TATDN1: variants seen among roughly 807,000 people sequenced by gnomAD.
The protein encoded by TATDN1 is TatD DNase domain containing 1.
A neutral mutation model predicts 46.4 loss-of-function variants in TATDN1; 40 were observed. The ratio of observed to expected loss-of-function variants is 0.86; its 90% confidence interval spans 0.67 to 1.12. The LOEUF is 1.12. Among genes scored for constraint, TATDN1 ranks in the 50% most tolerant of loss-of-function variants. The probability of loss-of-function intolerance (pLI) is 0.00; values close to 1 mark genes in which losing one functional copy is unlikely to be tolerated. For missense variants in TATDN1, 326 were observed against 348.4 expected (o/e 0.94, Z 0.51); for synonymous variants, 95 against 105.6 (o/e 0.90, Z 0.62).
chr8:124,533,085 T>C (rs917269479), intron 1 of TATDN1, among the ~76,000 whole-genome samples: 1 of 152,082 alleles, frequency 6.6e-6, no homozygotes, highest in African/African-American at 2.4e-5. Context: ...ACCCCGTCTC[T>C]ACTAAAAATA....
rs527770246 is a variant in TATDN1, at chr8:124,516,806, T to C, written c.203-776A>G. Among the ~76,000 whole-genome samples the C allele has an allele frequency of 3.0e-4, 45 of 152,346 alleles. No homozygotes were observed. In the South Asian group the frequency reaches 8.9e-3, roughly 30 times the overall value. ...TGTTTTTCTAGCAAGTAAATGAGGTTCACTTATTCGGAGGAGACTCTGACA... is the reference window on the plus strand; with the variant it reads ...TGTTTTTCTAGCAAGTAAATGAGGTCCACTTATTCGGAGGAGACTCTGACA... On this transcript the variant is annotated intron_variant, in intron 4 of 11. Coordinates refer to ENST00000276692, the MANE Select transcript of TATDN1 (RefSeq NM_032026.4).
chr8:124,517,669 G>C (rs1290578923), intron 4 of TATDN1, among the ~76,000 whole-genome samples: 1 of 152,086 alleles, frequency 6.6e-6, no homozygotes, highest in Non-Finnish European at 1.5e-5. Context: ...TACCTAACTA[G>C]GATTCCTTTA....
Position 124,488,636 on chromosome 8 carries a change from T to G in TATDN1, c.852A>C (p.Thr284=). Residue 284 remains threonine, a synonymous_variant, in exon 12 of 12, where the codon ACA becomes ACC. Transcript: ENST00000276692. ...RDEDPLELAN[T]LYNNTIKVFF... The stretch of plus-strand genomic sequence containing the variant: ...ATACTTTAATAGTATTGTTATATAG[T>G]GTATTGGCTAATTCCAGTGGATCCT... 6.2e-7 allele frequency: 1 copy of G among 1,600,608 alleles called. No homozygotes were observed.
chr8:124,537,309 A>G (rs771167682), intron 1 of TATDN1, among the ~76,000 whole-genome samples: 7 of 152,204 alleles, frequency 4.6e-5, no homozygotes, highest in Non-Finnish European at 8.8e-5. Flanking sequence ...TTAAGGAGTG[A>G]GTAGGCAGAC....
chr8:124,503,395 T>G (rs1389166691), intron 9 of TATDN1, among the ~76,000 whole-genome samples: 1 of 152,194 alleles, frequency 6.6e-6, no homozygotes, highest in Non-Finnish European at 1.5e-5. Context: ...TATCTGTTAG[T>G]ACTACTTGAC....
At chr8:124,489,167 A>C (rs1816694357) in intron 11 of TATDN1, 1 of 155,544 alleles carries the variant, frequency 6.4e-6, no homozygotes, top group Non-Finnish European at 1.4e-5. Flanking sequence ...CAGCAGCCAC[A>C]GTTGGAAATC....
At chr8:124,501,776 C>T (rs1010177956) in intron 9 of TATDN1, among the ~76,000 whole-genome samples, 3 of 151,792 alleles carry the variant, frequency 2.0e-5, no homozygotes, top group Middle Eastern at 3.4e-3. Flanking sequence ...ATTCCAAGGA[C>T]GGGTAAAGAT....
intron 1 of TATDN1, chr8:124,538,471 C>A (rs1250926529): frequency 6.3e-6 from 1 of 157,562 alleles, no homozygotes; most frequent in Non-Finnish European, 1.4e-5. Context: ...ATTGTACTTG[C>A]CAAGTACAGT....
chr8:124,503,610 G>A (rs1818160974), intron 9 of TATDN1, among the ~76,000 whole-genome samples: 1 of 152,140 alleles, frequency 6.6e-6, no homozygotes, highest in South Asian at 2.1e-4. Flanking sequence ...AGACAATGAA[G>A]AAGGACAGAA....
intron 6 of TATDN1, among the ~76,000 whole-genome samples, chr8:124,513,886 C>A (rs1180555928): frequency 6.6e-6 from 1 of 152,126 alleles, no homozygotes; most frequent in African/African-American, 2.4e-5. Context: ...TTAAAGAGAA[C>A]TGTTTTTCTA....
intron 1 of TATDN1, among the ~76,000 whole-genome samples, chr8:124,527,385 C>T (rs560591683): frequency 1.5e-3 from 225 of 152,162 alleles, no homozygotes; most frequent in Non-Finnish European, 2.1e-3. Flanking sequence ...AAGGAATGCG[C>T]GGTGAAACTG....
At chr8:124,517,769 T>C (rs1225263745) in intron 4 of TATDN1, among the ~76,000 whole-genome samples, 2 of 152,220 alleles carry the variant, frequency 1.3e-5, no homozygotes, top group Non-Finnish European at 2.9e-5. Flanking sequence ...AGTGTTATTA[T>C]TTGCATTCCT....
At chr8:124,505,343 C>T (rs969388970) in intron 8 of TATDN1, among the ~76,000 whole-genome samples, 1 of 151,626 alleles carries the variant, frequency 6.6e-6, no homozygotes, top group Non-Finnish European at 1.5e-5. Flanking sequence ...GAGATCACAT[C>T]ATTACACTCC....
chr8:124,521,651 T>C (rs1050847406), intron 3 of TATDN1: 2 of 152,838 alleles, frequency 1.3e-5, no homozygotes, highest in African/African-American at 4.8e-5. Context: ...TAGCTCTCTG[T>C]TTTAAAGCTA....
At chr8:124,522,859 T>C (rs1820169366) in intron 2 of TATDN1, 78 bp downstream of exon 2, 1 of 1,236,776 alleles carries the variant, frequency 8.1e-7, no homozygotes, top group Non-Finnish European at 1.2e-6. Context: ...TCAGCTTGAA[T>C]TATGCTTTTC....
intron 1 of TATDN1, chr8:124,523,430 C>T (rs1350551532): frequency 1.2e-5 from 2 of 163,052 alleles, no homozygotes; most frequent in Non-Finnish European, 2.7e-5. Flanking sequence ...GGAGCAAAGC[C>T]TTCAAGATGG....
intron 1 of TATDN1, among the ~76,000 whole-genome samples, chr8:124,537,818 T>C (rs1281177800): frequency 1.2e-4 from 19 of 152,062 alleles, no homozygotes; most frequent in Non-Finnish European, 4.4e-5. Context: ...TTCAAAACCT[T>C]TTTCCTGGCA....
intron 1 of TATDN1, among the ~76,000 whole-genome samples, chr8:124,532,320 G>A (rs1821038777): frequency 1.3e-5 from 2 of 152,230 alleles, no homozygotes; most frequent in African/African-American, 4.8e-5. Flanking sequence ...GTCTCACTCT[G>A]TCGCCCGGGC....
chr8:124,528,627 T>C (rs1030645559), intron 1 of TATDN1, among the ~76,000 whole-genome samples: 2 of 152,174 alleles, frequency 1.3e-5, no homozygotes, highest in Admixed American at 1.3e-4. Flanking sequence ...ACAAGGCTTT[T>C]TGCAGTGTCT....
Sources: allele counts gnomAD v4.1 joint callset (sites outside exome capture counted in the v4.1 genomes callset), GRCh38; gene constraint gnomAD v4.1.1; transcripts MANE v1.5; gene names NCBI Gene and HGNC (gene_info 2026-07-23, HGNC 2026-07-21).